Variants in UNC13C observed in about 807,000 individuals in gnomAD.
UNC13C encodes the protein protein unc-13 homolog C.
A neutral mutation model predicts 245.4 loss-of-function variants in UNC13C; 174 were observed. That is an observed-to-expected ratio of 0.71 (90% confidence interval 0.63 to 0.80). The LOEUF (loss-of-function observed/expected upper bound fraction) is 0.80, where lower values mean the gene tolerates loss of function less well. Among genes scored for constraint, UNC13C ranks in the 30% least tolerant of loss-of-function variants. The pLI is 0.00. For synonymous variants in UNC13C, 992 were observed against 895.1 expected, an observed-to-expected ratio of 1.11 and a Z score of -1.93; for missense variants, 2,829 against 2,602.9, an observed-to-expected ratio of 1.09 and a Z score of -1.89.
chr15:53,994,781 G>C (rs546584579), intron 1 of UNC13C, among the ~76,000 whole-genome samples: 2 of 152,184 alleles, frequency 1.3e-5, no homozygotes, highest in East Asian at 3.9e-4. Context: ...TATAGTGTCT[G>C]AAATATTGCA....
chr15:54,598,084 A>T (rs1899200429), intron 30 of UNC13C, among the ~76,000 whole-genome samples: 2 of 152,162 alleles, frequency 1.3e-5, no homozygotes, highest in Admixed American at 6.5e-5. Context: ...AATGAGTGAA[A>T]GATTTTAACC....
At position 54,239,135 on chromosome 15, in the gene UNC13C, A is replaced by T. The variant is rs540208113; in HGVS notation, c.3228+1445A>T. On this transcript the variant is annotated intron_variant, in intron 7 of 32. Transcript: ENST00000260323. The stretch of plus-strand genomic sequence containing the variant: ...TTAGCAACTTTGTCATTCTTGTAGA[A>T]TAAAAATTCTGCCACAAATATTATA... 2.0e-5 allele frequency among the ~76,000 whole-genome samples: 3 copies of T among 152,328 alleles called. No individual in the cohort carries two copies. The East Asian group carries it at 5.8e-4, about 29-fold the overall frequency.
At chr15:53,859,549 A>G in the UNC13C span, among the ~76,000 whole-genome samples, 1 of 152,210 alleles carries the variant, frequency 6.6e-6, no homozygotes, top group Non-Finnish European at 1.5e-5. Flanking sequence ...AAACACCAAA[A>G]AAAGAAAAAG....
chr15:54,315,836 T>A (rs1258995200), intron 13 of UNC13C, among the ~76,000 whole-genome samples: 1 of 151,794 alleles, frequency 6.6e-6, no homozygotes, highest in Non-Finnish European at 1.5e-5. Context: ...CCTTTTCTCT[T>A]CCCCATCCTG....
intron 32 of UNC13C, among the ~76,000 whole-genome samples, chr15:54,626,520 C>T (rs1596710099): frequency 6.6e-6 from 1 of 152,192 alleles, no homozygotes; most frequent in African/African-American, 2.4e-5. Context: ...GTACCCATTA[C>T]CCTGGCCTAG....
the UNC13C span, among the ~76,000 whole-genome samples, chr15:53,922,710 C>G: frequency 6.6e-6 from 1 of 152,178 alleles, no homozygotes; most frequent in Non-Finnish European, 1.5e-5. Context: ...TATTGACTTA[C>G]ATCAACAGAG....
the UNC13C span, among the ~76,000 whole-genome samples, chr15:53,847,192 AG>A: frequency 6.6e-6 from 1 of 152,222 alleles, no homozygotes; most frequent in Non-Finnish European, 1.5e-5. Context: ...CTACAAACAA[AG>A]TTAAAGATTT....
intron 2 of UNC13C, chr15:54,048,922 C>A: frequency 3.6e-6 from 1 of 275,264 alleles, no homozygotes. Flanking sequence ...TAATACCACA[C>A]TGTAAATTGA....
intron 2 of UNC13C, among the ~76,000 whole-genome samples, chr15:54,051,909 C>G (rs1241402874): frequency 7.6e-6 from 1 of 130,920 alleles, no homozygotes; most frequent in African/African-American, 2.9e-5. Context: ...TATCCCTCCC[C>G]CCTCCCTCCA....
intron 29 of UNC13C, among the ~76,000 whole-genome samples, chr15:54,559,274 G>C (rs1038535920): frequency 1.3e-5 from 2 of 151,894 alleles, no homozygotes; most frequent in Non-Finnish European, 2.9e-5. Flanking sequence ...AGGACTCCAG[G>C]CAAACATAAG....
At chr15:53,946,619 GC>G in the UNC13C span, among the ~76,000 whole-genome samples, 1 of 151,002 alleles carries the variant, frequency 6.6e-6, no homozygotes, top group Non-Finnish European at 1.5e-5. Flanking sequence ...TACTCAGGAG[GC>G]TGAGGCTGAA....
At chr15:54,451,718 T>G (rs1891186242) in intron 19 of UNC13C, among the ~76,000 whole-genome samples, 1 of 152,242 alleles carries the variant, frequency 6.6e-6, no homozygotes, top group Non-Finnish European at 1.5e-5. Flanking sequence ...CTTACTGACC[T>G]TATTTAATAT....
chr15:54,125,603 T>C (rs961467606), intron 2 of UNC13C, among the ~76,000 whole-genome samples: 2 of 152,222 alleles, frequency 1.3e-5, no homozygotes, highest in Non-Finnish European at 2.9e-5. Context: ...ATTGAGATAG[T>C]CTTTGAATAA....
the UNC13C span, chr15:53,914,538 A>G: frequency 6.6e-6 from 1 of 152,220 alleles, no homozygotes; most frequent in African/African-American, 2.4e-5. Context: ...CCAGAGAAAG[A>G]GTTAAGCTGT....
intron 10 of UNC13C, among the ~76,000 whole-genome samples, chr15:54,293,183 G>A (rs891638635): frequency 9.9e-5 from 15 of 151,828 alleles, no homozygotes; most frequent in African/African-American, 3.4e-4. Context: ...ATATACATCA[G>A]TTTACTTGCA....
Position 54,627,127 on chromosome 15 carries a change from A to T in UNC13C, c.*14A>T, listed in dbSNP as rs1901224497. On this transcript the variant is annotated 3_prime_UTR_variant, in exon 33 of 33. Transcript: ENST00000260323. Reference sequence around the variant, plus strand: ...GAGAGTGCTTGAAACAAACACTGCAAGCTAAATACATAACTATAATTGTTT... The same window carrying T: ...GAGAGTGCTTGAAACAAACACTGCATGCTAAATACATAACTATAATTGTTT... 6.3e-7 allele frequency: 1 copy of T among 1,595,730 alleles called. No homozygotes were observed. Among genetic ancestry groups the T allele is most frequent in the African/African-American group, 1.3e-5 (1 of 74,394 alleles).
intron 30 of UNC13C, among the ~76,000 whole-genome samples, chr15:54,615,287 C>CAAT (rs1900356632): frequency 6.6e-6 from 1 of 151,926 alleles, no homozygotes. Flanking sequence ...TATTGTACTA[C>CAAT]CAAAAAGAGG....
intron 2 of UNC13C, among the ~76,000 whole-genome samples, chr15:54,035,148 T>C (rs774198644): frequency 3.5e-4 from 53 of 152,290 alleles, no homozygotes; most frequent in Middle Eastern, 3.4e-3. Flanking sequence ...AAAAACAGTA[T>C]ACAACCTACA....
chr15:53,952,736 C>T, the UNC13C span, among the ~76,000 whole-genome samples: 2 of 152,138 alleles, frequency 1.3e-5, no homozygotes, highest in Non-Finnish European at 1.5e-5. Flanking sequence ...CATAAGATGA[C>T]CCAGGCAAAC....
Sources: gnomAD v4.1 joint callset for allele counts (sites outside exome capture counted in the v4.1 genomes callset) on GRCh38, gnomAD v4.1.1 for gene constraint, MANE v1.5 for transcripts, NCBI Gene and HGNC (gene_info 2026-07-23, HGNC 2026-07-21) for gene names.